Variants in EPB41L5 observed in about 807,000 individuals in gnomAD.
EPB41L5 encodes band 4.1-like protein 5.
Under a neutral mutation model 106.6 loss-of-function variants are expected in EPB41L5, and 55 were observed. The observed-to-expected ratio is 0.52, with a 90% CI of 0.42 to 0.65. The LOEUF is 0.65. EPB41L5 is among the 30% of genes least tolerant of loss of function. The probability of loss-of-function intolerance (pLI) is 0.00; values close to 1 mark genes in which losing one functional copy is unlikely to be tolerated. For synonymous variants in EPB41L5, 297 were observed against 306.7 expected, an observed-to-expected ratio of 0.97 and a Z score of 0.33; for missense variants, 871 against 882.1, an observed-to-expected ratio of 0.99 and a Z score of 0.16.
chr2:120,046,504 G>GT (rs1294255099), intron 3 of EPB41L5, among the ~76,000 whole-genome samples: 1,557 of 142,822 alleles, frequency 0.011, 22 homozygotes, highest in Non-Finnish European at 0.016. Flanking sequence ...TGATGGGGTT[G>GT]TTTTTTTTTT....
chr2:120,038,414 T>C (rs980301876), intron 2 of EPB41L5, among the ~76,000 whole-genome samples: 3 of 152,236 alleles, frequency 2.0e-5, no homozygotes, highest in South Asian at 2.1e-4. Context: ...GGAATTGTTA[T>C]ACACTTTCAG....
chr2:120,172,912 TGAG>T (rs1687748235), intron 24 of EPB41L5, among the ~76,000 whole-genome samples: 1 of 152,148 alleles, frequency 6.6e-6, no homozygotes, highest in Non-Finnish European at 1.5e-5. Flanking sequence ...CTGAATGTAC[TGAG>T]AAGAGATCCA....
intron 18 of EPB41L5, among the ~76,000 whole-genome samples, chr2:120,135,497 A>G (rs1685883720): frequency 6.6e-6 from 1 of 152,220 alleles, no homozygotes; most frequent in South Asian, 2.1e-4. Context: ...ATATTGAATA[A>G]TCAAACTCCC....
intron 22 of EPB41L5, 113 bp from the exon 23 acceptor site, chr2:120,167,353 T>C: frequency 1.1e-6 from 1 of 872,440 alleles, no homozygotes; most frequent in Admixed American, 2.1e-5. Flanking sequence ...CCATTAAGAA[T>C]TAAGAATTGC....
chr2:120,167,497 G>T lies in EPB41L5; in HGVS notation c.1994G>T (p.Trp665Leu). The T allele has an allele frequency of 6.2e-7, 1 of 1,613,856 alleles. No individual in the cohort carries two copies. The highest frequency in any genetic ancestry group is 8.5e-7 in the Non-Finnish European group (1 of 1,179,784). The change falls in exon 23 of 25, where the codon TGG (tryptophan) becomes TTG (leucine). Residue 665 changes from tryptophan to leucine, a missense_variant. Trp to Leu is a moderately conservative substitution (Grantham distance 61). Transcript: ENST00000263713. ...VSSTSMITPR[W>L]IVPQSGAMSN... is the part of the protein sequence containing the mutation. Reference sequence around the variant, plus strand: ...TCCACATCCATGATCACACCCCGGTGGATTGTTCCGGTAAGTTCATGTTAT... The same window carrying T: ...TCCACATCCATGATCACACCCCGGTTGATTGTTCCGGTAAGTTCATGTTAT...
At chr2:120,098,338 T>C (rs764034476) in intron 14 of EPB41L5, among the ~76,000 whole-genome samples, 1 of 151,782 alleles carries the variant, frequency 6.6e-6, no homozygotes, top group East Asian at 1.9e-4. Flanking sequence ...GCCTCCAAAG[T>C]ATCTGAGACT....
chr2:120,068,117 A>G (rs1681573852), intron 3 of EPB41L5, among the ~76,000 whole-genome samples: 1 of 152,216 alleles, frequency 6.6e-6, no homozygotes, highest in Non-Finnish European at 1.5e-5. Flanking sequence ...CAATGGGTGC[A>G]GCTCATGGAG....
intron 19 of EPB41L5, among the ~76,000 whole-genome samples, chr2:120,143,759 T>C (rs1686281903): frequency 6.6e-6 from 1 of 152,206 alleles, no homozygotes; most frequent in Admixed American, 6.5e-5. Flanking sequence ...TTTAGGAATA[T>C]TGTTCATGTT....
rs775550318 is a variant in EPB41L5 at position 120,167,344 on chromosome 2, CATTAAGA to C, written c.1963-111_1963-105del. The stretch of plus-strand genomic sequence containing the variant: ...AAGTCCATGTCAGCTCAAGGAACAC[CATTAAGA>C]ATTAAGAATTGCCCTCCTAGAATGG... On this transcript the variant is annotated intron_variant, in intron 22 of 24. Transcript: ENST00000263713. 241 of 778,896 alleles carry C rather than the reference CATTAAGA, an allele frequency of 3.1e-4. 1 individual carries two copies. The African/African-American group carries it at 3.6e-3, about 12-fold the overall frequency. 48.2% of individuals were successfully genotyped at this position (778,896 alleles called of 1,614,324 possible).
chr2:120,060,642 A>G (rs1415247152), intron 3 of EPB41L5, among the ~76,000 whole-genome samples: 1 of 152,200 alleles, frequency 6.6e-6, no homozygotes, highest in African/African-American at 2.4e-5. Flanking sequence ...ACTATAAATG[A>G]GTAATGTGAG....
intron 3 of EPB41L5, among the ~76,000 whole-genome samples, chr2:120,068,153 C>T (rs564151648): frequency 2.6e-5 from 4 of 152,282 alleles, no homozygotes; most frequent in South Asian, 2.1e-4. Flanking sequence ...AGTAAGGCAT[C>T]GCCTCATCCG....
intron 13 of EPB41L5, among the ~76,000 whole-genome samples, chr2:120,092,012 A>T (rs568339434): frequency 5.1e-4 from 1 of 1,956 alleles, no homozygotes. Flanking sequence ...AAACATTTTT[A>T]TTTATTTATT....
At chr2:120,016,553 A>G (rs1368292514) in intron 1 of EPB41L5, among the ~76,000 whole-genome samples, 1 of 152,202 alleles carries the variant, frequency 6.6e-6, no homozygotes, top group Non-Finnish European at 1.5e-5. Context: ...TAAATGACAG[A>G]CAATATCTTA....
intron 4 of EPB41L5, 146 bp from the exon 5 acceptor site, chr2:120,073,954 A>T (rs1682055049): frequency 1.7e-6 from 1 of 601,634 alleles, no homozygotes. Context: ...AAACAATCTA[A>T]TTGAAGCCTA....
At chr2:120,040,553 A>G (rs948625984) in intron 2 of EPB41L5, among the ~76,000 whole-genome samples, 1 of 152,218 alleles carries the variant, frequency 6.6e-6, no homozygotes, top group Non-Finnish European at 1.5e-5. Flanking sequence ...CCACATGGGA[A>G]ACATTTTTGG....
intron 1 of EPB41L5, among the ~76,000 whole-genome samples, chr2:120,017,347 G>A (rs1373421650): frequency 6.6e-6 from 1 of 152,192 alleles, no homozygotes; most frequent in East Asian, 1.9e-4. Flanking sequence ...TGTTCGATCA[G>A]TATTTAGTAT....
intron 2 of EPB41L5, among the ~76,000 whole-genome samples, chr2:120,022,222 T>A (rs1000004172): frequency 6.6e-6 from 1 of 152,170 alleles, no homozygotes; most frequent in Non-Finnish European, 1.5e-5. Flanking sequence ...CTGGGATACA[T>A]GTGCAGAACG....
intron 7 of EPB41L5, 123 bp from the exon 8 acceptor site, chr2:120,076,844 CTGAG>C (rs1682278462): frequency 3.7e-6 from 3 of 814,254 alleles, no homozygotes; most frequent in Non-Finnish European, 5.5e-6. Flanking sequence ...GGAGACTTGT[CTGAG>C]TATTATGAAT....
chr2:120,047,134 G>T (rs1278154518), intron 3 of EPB41L5, among the ~76,000 whole-genome samples: 1 of 152,122 alleles, frequency 6.6e-6, no homozygotes, highest in Non-Finnish European at 1.5e-5. Flanking sequence ...GGATTGTCTT[G>T]GCTATATGGG....
Sources: allele counts gnomAD v4.1 joint callset (sites outside exome capture counted in the v4.1 genomes callset), GRCh38; gene constraint gnomAD v4.1.1; transcripts MANE v1.5; gene names NCBI Gene and HGNC (gene_info 2026-07-23, HGNC 2026-07-21).